The following ZFHX3 variants were observed in gnomAD, a reference collection of about 807,000 sequenced individuals.
ZFHX3 encodes zinc finger homeobox 3.
In ZFHX3, 42 loss-of-function variants were observed where a neutral mutation model predicts 279.1. That is an observed-to-expected ratio of 0.15 (90% CI 0.12 to 0.19). The LOEUF is 0.19. ZFHX3 is among the 10% of genes least tolerant of loss of function. ZFHX3 has a pLI of 1.00. For missense variants in ZFHX3, 4,981 were observed against 4,754.0 expected (o/e 1.05, Z -1.40); for synonymous variants, 2,293 against 1,957.8 (o/e 1.17, Z -4.52).
intron 5 of ZFHX3, among the ~76,000 whole-genome samples, chr16:73,209,398 C>T (rs745444610): frequency 2.0e-5 from 3 of 152,100 alleles, no homozygotes; most frequent in Non-Finnish European, 4.4e-5. Context: ...GGTCAAGGCG[C>T]CTGCAGGTCT....
chr16:73,356,556 C>T (rs2016344398), intron 3 of ZFHX3, among the ~76,000 whole-genome samples: 1 of 151,948 alleles, frequency 6.6e-6, no homozygotes, highest in Admixed American at 6.6e-5. Context: ...GACTCTGCAC[C>T]AGATCATCCA....
intron 2 of ZFHX3, among the ~76,000 whole-genome samples, chr16:73,531,714 C>CAAAAAAA (rs34119200): frequency 3.7e-5 from 3 of 81,144 alleles, no homozygotes; most frequent in Non-Finnish European, 4.6e-5. Flanking sequence ...AACCCTGTCT[C>CAAAAAAA]AAAAAAAAAA....
chr16:73,138,151 C>G (rs1966825112), intron 6 of ZFHX3, among the ~76,000 whole-genome samples: 1 of 152,192 alleles, frequency 6.6e-6, no homozygotes, highest in South Asian at 2.1e-4. Flanking sequence ...GTTCATCTTC[C>G]TCTCCCAACT....
At chr16:73,650,808 C>G (rs1314937906) in intron 2 of ZFHX3, among the ~76,000 whole-genome samples, 1 of 152,084 alleles carries the variant, frequency 6.6e-6, no homozygotes, top group Non-Finnish European at 1.5e-5. Flanking sequence ...GTACCTTTAT[C>G]CTAGGTCTCA....
chr16:72,954,052 C>T (rs974803639), intron 2 of ZFHX3, among the ~76,000 whole-genome samples: 2 of 152,188 alleles, frequency 1.3e-5, no homozygotes, highest in East Asian at 1.9e-4. Flanking sequence ...ACCCAGTTCA[C>T]AAACAGGAGC....
chr16:73,619,500 T>TA (rs34326004), intron 2 of ZFHX3, among the ~76,000 whole-genome samples: 102,623 of 131,824 alleles, frequency 0.78, 41,640 homozygotes, highest in East Asian at 0.97. Context: ...AAAAAAAAAA[T>TA]TATATATATA....
intron 9 of ZFHX3, chr16:72,791,760 G>C (rs146496620): frequency 6.6e-6 from 1 of 152,238 alleles, no homozygotes; most frequent in Non-Finnish European, 1.5e-5. Context: ...GGCTTTCTGT[G>C]ACATGACTTG....
chr16:72,922,005 TG>T (rs1307838581), intron 3 of ZFHX3, among the ~76,000 whole-genome samples: 1 of 152,100 alleles, frequency 6.6e-6, no homozygotes, highest in African/African-American at 2.4e-5. Context: ...GAGAAACATC[TG>T]GGGGCACCAG....
Position 73,787,855 on chromosome 16 carries a change from AAGAGAGAG to A in ZFHX3, c.-1608+103788_-1608+103795del, listed in dbSNP as rs148741157. Among the ~76,000 whole-genome samples the A allele has an allele frequency of 2.5e-4, 28 of 110,788 alleles. No individual in the cohort carries two copies. In the East Asian group the frequency reaches 6.6e-3, roughly 26 times the overall value. The allele number at this position is 110,788 out of a possible 152,430, so 72.7% of individuals were successfully genotyped here. A position where few individuals can be genotyped will look rare whatever the true frequency, so the allele number is the denominator to read the frequency against. On this transcript the variant is annotated intron_variant, in intron 1 of 17. Transcript: ENST00000641206. ...TGTGTGTGTGTGTGTGTGTGTGTGA[AAGAGAGAG>A]AGAGAGAGAGAGAGAATGTAGGGGA... is the stretch of plus-strand genomic sequence containing the variant.
intron 2 of ZFHX3, among the ~76,000 whole-genome samples, chr16:73,520,943 A>G (rs1445972842): frequency 1.3e-5 from 2 of 152,250 alleles, no homozygotes; most frequent in Non-Finnish European, 2.9e-5. Flanking sequence ...ATAAACTCTC[A>G]AGCAAGTTAG....
chr16:73,778,779 G>T (rs955893696), intron 1 of ZFHX3, among the ~76,000 whole-genome samples: 2 of 152,150 alleles, frequency 1.3e-5, no homozygotes, highest in Admixed American at 1.3e-4. Context: ...AGGATTGCTG[G>T]CTCCAAATAA....
chr16:73,371,715 T>C (rs1324523170), intron 3 of ZFHX3, among the ~76,000 whole-genome samples: 1 of 152,196 alleles, frequency 6.6e-6, no homozygotes, highest in Non-Finnish European at 1.5e-5. Context: ...CCTTTAAATA[T>C]GGTTTCTTCA....
Position 73,849,526 on chromosome 16 carries a change from A to G in ZFHX3, c.-1608+42125T>C, listed in dbSNP as rs191557348. Among the ~76,000 whole-genome samples the G allele has an allele frequency of 4.9e-4, 74 of 152,326 alleles. No homozygotes were observed. The East Asian group carries it at 0.011, about 22-fold the overall frequency. On this transcript the variant is annotated intron_variant, in intron 1 of 17. Coordinates refer to the ZFHX3 transcript ENST00000641206. ...GGGCCTGGTTTAAAATTTTAAAGAGATAACAGGGCCTCCAGGTTGGGAATG... is the reference window on the plus strand; with the variant it reads ...GGGCCTGGTTTAAAATTTTAAAGAGGTAACAGGGCCTCCAGGTTGGGAATG...
chr16:73,461,389 T>G (rs2018467837), intron 2 of ZFHX3, among the ~76,000 whole-genome samples: 1 of 152,190 alleles, frequency 6.6e-6, no homozygotes, highest in African/African-American at 2.4e-5. Flanking sequence ...TTTCATAGAG[T>G]AAAAGTTTTT....
intron 4 of ZFHX3, among the ~76,000 whole-genome samples, chr16:73,286,846 G>C (rs1567440325): frequency 6.9e-6 from 1 of 144,682 alleles, no homozygotes; most frequent in Non-Finnish European, 1.5e-5. Context: ...TGGTGAGTCG[G>C]TGTGTGGGTG....
intron 1 of ZFHX3, among the ~76,000 whole-genome samples, chr16:73,791,533 C>T (rs1255938346): frequency 1.3e-5 from 2 of 152,000 alleles, no homozygotes; most frequent in African/African-American, 4.8e-5. Context: ...CAAGTGATTC[C>T]CCTGCCTCAG....
In ZFHX3 at chr16:73,778,552, AT is replaced by A. The variant is rs759174074; in HGVS notation, c.-1607-98313del. Among the ~76,000 whole-genome samples the A allele has an allele frequency of 3.2e-4, 49 of 152,196 alleles. 1 individual carries two copies. Among genetic ancestry groups the A allele is most frequent in the Non-Finnish European group, 4.0e-4 (27 of 68,046 alleles). ...TGCTGTTTTAAGCTGGGTTCTAACT[AT>A]TTTCCAAAGTCAGACTTAGGAAAAA... On this transcript the variant is annotated intron_variant, in intron 1 of 17. Transcript: ENST00000641206.
chr16:73,476,702 A>T (rs896820195), intron 2 of ZFHX3, among the ~76,000 whole-genome samples: 1 of 152,196 alleles, frequency 6.6e-6, no homozygotes, highest in African/African-American at 2.4e-5. Flanking sequence ...ATTGCTTTTT[A>T]CCATGAATTT....
rs1017087253 is a variant in ZFHX3, at chr16:72,810,952, C to T, written c.3864+625G>A. On this transcript the variant is annotated intron_variant, in intron 7 of 9. Coordinates refer to ENST00000268489, the MANE Select transcript of ZFHX3 (RefSeq NM_006885.4). Reference sequence around the variant, plus strand: ...CTGCAGCGCAGTGGCCTAATCATAGCTCACTGCAACCTCAAACTCCTGGGC... The same window carrying T: ...CTGCAGCGCAGTGGCCTAATCATAGTTCACTGCAACCTCAAACTCCTGGGC... Among the ~76,000 whole-genome samples, 9 of 152,312 alleles carry T rather than the reference C, an allele frequency of 5.9e-5. No homozygotes were observed. The South Asian group carries it at 1.7e-3, about 28-fold the overall frequency.
Sources: allele counts gnomAD v4.1 joint callset (sites outside exome capture counted in the v4.1 genomes callset), GRCh38; gene constraint gnomAD v4.1.1; transcripts MANE v1.5; gene names NCBI Gene and HGNC (gene_info 2026-07-23, HGNC 2026-07-21).